GPR39: variants seen among roughly 807,000 people sequenced by gnomAD.
The protein encoded by GPR39 is zinc sensing receptor.
Under a neutral mutation model 18.4 loss-of-function variants are expected in GPR39, and 23 were observed. The ratio of observed to expected loss-of-function variants is 1.25; its 90% CI spans 0.90 to 1.77. The LOEUF (loss-of-function observed/expected upper bound fraction) is 1.77. Among genes scored for constraint, GPR39 ranks in the 40% most tolerant of loss-of-function variants. The pLI, the probability that GPR39 is intolerant of heterozygous loss-of-function variation, is 0.00. For synonymous variants in GPR39, 280 were observed against 257.9 expected (o/e 1.09, Z -0.82); for missense variants, 647 against 602.4 (o/e 1.07, Z -0.78).
At chr2:132,462,164 G>A (rs1474644380) in intron 1 of GPR39, among the ~76,000 whole-genome samples, 1 of 152,174 alleles carries the variant, frequency 6.6e-6, no homozygotes, top group East Asian at 1.9e-4. Flanking sequence ...ATGTACAGCA[G>A]TTTATTAAGT....
At chr2:132,495,381 A>G (rs1045137989) in intron 1 of GPR39, among the ~76,000 whole-genome samples, 60 of 152,036 alleles carry the variant, frequency 3.9e-4, no homozygotes, top group African/African-American at 1.4e-3. Context: ...CGGTAGTGGG[A>G]TGTTGAGGTC....
chr2:132,430,211 C>T (rs917680747), intron 1 of GPR39, among the ~76,000 whole-genome samples: 5 of 152,178 alleles, frequency 3.3e-5, no homozygotes, highest in South Asian at 2.1e-4. Flanking sequence ...CTAAACATTA[C>T]AATCACCTGT....
chr2:132,592,863 G>A, intron 1 of GPR39, among the ~76,000 whole-genome samples: 1 of 152,032 alleles, frequency 6.6e-6, no homozygotes, highest in East Asian at 1.9e-4. Context: ...TACAGATGAA[G>A]GAGTTAGTCC....
intron 1 of GPR39, among the ~76,000 whole-genome samples, chr2:132,432,563 C>T (rs1680242235): frequency 6.6e-6 from 1 of 152,106 alleles, no homozygotes; most frequent in African/African-American, 2.4e-5. Flanking sequence ...CCTCAAAATC[C>T]TTCGCTTAAT....
chr2:132,527,605 GTTTC>G (rs1679536959), intron 1 of GPR39, among the ~76,000 whole-genome samples: 1 of 152,104 alleles, frequency 6.6e-6, no homozygotes, highest in African/African-American at 2.4e-5. Flanking sequence ...AGCATCTATT[GTTTC>G]TTGACTTTTT....
intron 1 of GPR39, among the ~76,000 whole-genome samples, chr2:132,451,400 C>G (rs575368325): frequency 4.7e-4 from 71 of 152,268 alleles, no homozygotes; most frequent in Admixed American, 1.1e-3. Flanking sequence ...GAGTCTTGCC[C>G]ATGTTGCTCA....
Position 132,580,358 on chromosome 2 carries a change from G to A in GPR39, c.857-64743G>A, listed in dbSNP as rs7602791. Among the ~76,000 whole-genome samples the A allele has an allele frequency of 2.0e-4, 30 of 152,262 alleles. 1 individual carries two copies. The highest frequency in any genetic ancestry group is 6.5e-4 in the African/African-American group (27 of 41,558). ...GGGAACCATTTCCCGTTTTCCTTTC[G>A]TTTGACAAAACTGTATTCTGTAAGT... is the stretch of plus-strand genomic sequence containing the variant. On this transcript the variant is annotated intron_variant, in intron 1 of 1. Coordinates refer to ENST00000329321, the MANE Select transcript of GPR39 (RefSeq NM_001508.3).
intron 1 of GPR39, among the ~76,000 whole-genome samples, chr2:132,641,062 C>T (rs10205259): frequency 0.11 from 17,380 of 152,120 alleles, 3,245 homozygotes; most frequent in African/African-American, 0.39. Flanking sequence ...GGAAGAAAAG[C>T]GCCAGCCATT....
chr2:132,496,614 T>G (rs559906666), intron 1 of GPR39, among the ~76,000 whole-genome samples: 1 of 152,342 alleles, frequency 6.6e-6, no homozygotes, highest in East Asian at 1.9e-4. Flanking sequence ...CAAACCTTTT[T>G]GTTTTCTCTC....
At chr2:132,556,513 T>C (rs1680155372) in intron 1 of GPR39, among the ~76,000 whole-genome samples, 1 of 152,148 alleles carries the variant, frequency 6.6e-6, no homozygotes, top group Admixed American at 6.5e-5. Context: ...TAGTGGCCTA[T>C]GTGGGGGTTG....
At chr2:132,520,134 C>A (rs901574497) in intron 1 of GPR39, among the ~76,000 whole-genome samples, 3 of 151,894 alleles carry the variant, frequency 2.0e-5, no homozygotes, top group Non-Finnish European at 4.4e-5. Context: ...GTAATCATTC[C>A]TTTCCTCCCC....
chr2:132,546,512 T>C (rs12105614), intron 1 of GPR39, among the ~76,000 whole-genome samples: 46 of 152,126 alleles, frequency 3.0e-4, no homozygotes, highest in African/African-American at 1.0e-3. Context: ...GGACAAGATA[T>C]TAAGAACTGA....
At chr2:132,593,416 C>T (rs954172968) in intron 1 of GPR39, among the ~76,000 whole-genome samples, 2 of 152,062 alleles carry the variant, frequency 1.3e-5, no homozygotes, top group African/African-American at 2.4e-5. Flanking sequence ...ATGTAGGGAC[C>T]CACCATGAGT....
chr2:132,492,711 A>G (rs1681510997), intron 1 of GPR39, among the ~76,000 whole-genome samples: 1 of 143,112 alleles, frequency 7.0e-6, no homozygotes, highest in African/African-American at 2.6e-5. Context: ...TAATATATAT[A>G]CACACCATAT....
At chr2:132,542,850 T>C (rs1679885541) in intron 1 of GPR39, among the ~76,000 whole-genome samples, 1 of 152,204 alleles carries the variant, frequency 6.6e-6, no homozygotes, top group South Asian at 2.1e-4. Context: ...GGCACAAGAC[T>C]ACCCAGTTAG....
chr2:132,603,708 G>A (rs1185062760), intron 1 of GPR39, among the ~76,000 whole-genome samples: 2 of 152,146 alleles, frequency 1.3e-5, no homozygotes, highest in African/African-American at 4.8e-5. Flanking sequence ...ACATTTGTGG[G>A]CGTGCGTGTG....
At position 132,542,767 on chromosome 2, in the gene GPR39, G is replaced by A. The variant is rs553085767; in HGVS notation, c.857-102334G>A. Among the ~76,000 whole-genome samples the A allele has an allele frequency of 1.5e-3, 231 of 151,844 alleles. 1 individual carries two copies. The highest frequency in any genetic ancestry group is 3.4e-3 in the Middle Eastern group (1 of 294). On this transcript the variant is annotated intron_variant, in intron 1 of 1. Coordinates refer to ENST00000329321, the MANE Select transcript of GPR39 (RefSeq NM_001508.3). ...CTCACTTAACAGAAGCTTGGGTTATGGGTACAGATGGTTCTTCAACATCCA... is the reference window on the plus strand; with the variant it reads ...CTCACTTAACAGAAGCTTGGGTTATAGGTACAGATGGTTCTTCAACATCCA...
intron 1 of GPR39, among the ~76,000 whole-genome samples, chr2:132,553,307 G>T (rs1386056767): frequency 7.8e-6 from 1 of 128,672 alleles, no homozygotes; most frequent in Non-Finnish European, 1.6e-5. Context: ...ACACACATAT[G>T]TATATATGTG....
At chr2:132,493,203 ACACCATATATG>A (rs1051192885) in intron 1 of GPR39, among the ~76,000 whole-genome samples, 2 of 143,784 alleles carry the variant, frequency 1.4e-5, no homozygotes, top group African/African-American at 5.2e-5. Context: ...CACCATATAT[ACACCATATATG>A]TACACCATAT....
Sources: allele counts gnomAD v4.1 joint callset (sites outside exome capture counted in the v4.1 genomes callset), GRCh38; gene constraint gnomAD v4.1.1; transcripts MANE v1.5; gene names NCBI Gene and HGNC (gene_info 2026-07-23, HGNC 2026-07-21).